The following DMD variants were observed in gnomAD, a reference collection of about 807,000 sequenced individuals.
The protein encoded by DMD is dystrophin.
A neutral mutation model predicts 330.1 loss-of-function variants in DMD; 63 were observed. The observed-to-expected ratio is 0.19, with a 90% CI of 0.16 to 0.24. DMD has a LOEUF of 0.24. DMD is among the 10% of genes least tolerant of loss of function. DMD has a pLI of 1.00. For missense variants in DMD, 3,344 were observed against 2,684.1 expected, an observed-to-expected ratio of 1.25 and a Z score of -5.43; for synonymous variants, 1,223 against 959.8, an observed-to-expected ratio of 1.27 and a Z score of -5.07.
intron 2 of DMD, among the ~76,000 whole-genome samples, chrX:32,949,974 A>C (rs116443135): frequency 3.4e-3 from 216 of 64,022 alleles, no homozygotes; most frequent in Middle Eastern, 0.022. Context: ...GCAAAAAAAA[A>C]AAAAAAAATA....
chrX:33,311,623 G>A (rs1263714829), intron 1 of DMD, among the ~76,000 whole-genome samples: 7 of 110,269 alleles, frequency 6.3e-5, no homozygotes, highest in East Asian at 2.8e-4. Flanking sequence ...TATGATACAC[G>A]ATGATCTAGT....
At chrX:31,637,610 T>G (rs1603433004) in intron 54 of DMD, among the ~76,000 whole-genome samples, 1 of 111,072 alleles carries the variant, frequency 9.0e-6, no homozygotes, top group South Asian at 3.8e-4. Flanking sequence ...GGCAATTTAA[T>G]AGATACTCAA....
At chrX:32,667,774 T>G (rs1032723177) in intron 9 of DMD, among the ~76,000 whole-genome samples, 2 of 107,900 alleles carry the variant, frequency 1.9e-5, no homozygotes, top group African/African-American at 6.8e-5. Context: ...TGTGTTTTTT[T>G]TTTTTTTTTT....
In DMD at chrX:32,803,392, T is replaced by C. The variant is rs766403085; in HGVS notation, c.649+6101A>G. ...TTTTAGTCTGGCTAGCCATCTATTT[T>C]GTTAATCTTTTCAAAAAAACAGCTC... On this transcript the variant is annotated intron_variant, in intron 7 of 78. Coordinates refer to ENST00000357033, the MANE Select transcript of DMD (RefSeq NM_004006.3). Among the ~76,000 whole-genome samples, 86 of 110,166 alleles carry C rather than the reference T, an allele frequency of 7.8e-4. 1 individual carries two copies. The highest frequency in any genetic ancestry group is 1.5e-3 in the Non-Finnish European group (78 of 53,000).
At chrX:32,332,413 A>AGTGTGTGTGTGTGTGT (rs111973319) in intron 41 of DMD, among the ~76,000 whole-genome samples, 4,020 of 95,225 alleles carry the variant, frequency 0.042, 78 homozygotes, top group Middle Eastern at 0.048. Context: ...ATGGATAAAA[A>AGTGTGTGTGTGTGTGT]GTGTGTGTGT....
At chrX:32,522,263 T>G (rs1293313486) in intron 17 of DMD, among the ~76,000 whole-genome samples, 4 of 112,090 alleles carry the variant, frequency 3.6e-5, no homozygotes, top group Non-Finnish European at 7.5e-5. Flanking sequence ...CCATTAAATG[T>G]GACCAAAAAT....
intron 2 of DMD, among the ~76,000 whole-genome samples, chrX:33,006,380 G>T (rs761725704): frequency 8.9e-6 from 1 of 111,951 alleles, no homozygotes; most frequent in Non-Finnish European, 1.9e-5. Flanking sequence ...ACAGTGTATT[G>T]GCAAAATAAT....
chrX:31,530,020 G>C (rs940838734), intron 55 of DMD, among the ~76,000 whole-genome samples: 1 of 111,683 alleles, frequency 9.0e-6, no homozygotes, highest in Non-Finnish European at 1.9e-5. Flanking sequence ...AAACGGGAAA[G>C]AATTCACTTT....
At chrX:31,155,064 C>A (rs1261034265) in intron 74 of DMD, among the ~76,000 whole-genome samples, 1 of 112,247 alleles carries the variant, frequency 8.9e-6, no homozygotes, top group African/African-American at 3.2e-5. Flanking sequence ...ACTTCCCAAC[C>A]AACTAATGGA....
At chrX:33,070,667 CTCTCTCTATATATA>C (rs1164904777) in intron 1 of DMD, among the ~76,000 whole-genome samples, 3 of 46,116 alleles carry the variant, frequency 6.5e-5, no homozygotes, top group African/African-American at 1.8e-4. Context: ...CTCTCTCTCT[CTCTCTCTATATATA>C]TATATATATA....
chrX:31,478,118 G>C lies in DMD; in HGVS notation c.8925C>G (p.Leu2975=), dbSNP rs374063420. 4 of 1,208,638 alleles carry C rather than the reference G, an allele frequency of 3.3e-6. No individual in the cohort carries two copies. Among genetic ancestry groups the C allele is most frequent in the African/African-American group, 3.5e-5 (2 of 57,099 alleles). ...AAGTAGACGGTACCTTGACTTTCTC[G>C]AGGTGATCTTGGAGAGAGTCAATGA... The part of the protein sequence containing the change: ...DLLIDSLQDH[L]EKVKALRGEI... The change falls in exon 59 of 79, where the codon CTC becomes CTG. Residue 2975 remains leucine, a synonymous_variant. Transcript: ENST00000357033.
chrX:31,298,581 G>A (rs2148061420), intron 62 of DMD, among the ~76,000 whole-genome samples: 1 of 112,041 alleles, frequency 8.9e-6, no homozygotes, highest in African/African-American at 3.2e-5. Flanking sequence ...GACTAAATGA[G>A]TTCACCAGAG....
At chrX:32,468,363 A>G in intron 23 of DMD, 135 bp downstream of exon 23, 1 of 539,898 alleles carries the variant, frequency 1.9e-6, no homozygotes, top group Non-Finnish European at 3.1e-6. Context: ...TAAAAGACTC[A>G]TGTCTTTTCA....
At chrX:31,748,006 T>C (rs1049784774) in intron 51 of DMD, among the ~76,000 whole-genome samples, 2 of 111,989 alleles carry the variant, frequency 1.8e-5, no homozygotes, top group Non-Finnish European at 3.8e-5. Context: ...TCAGAGACTT[T>C]AGTGGCATGA....
intron 43 of DMD, among the ~76,000 whole-genome samples, chrX:32,253,116 G>T (rs2097283558): frequency 9.4e-6 from 1 of 105,898 alleles, no homozygotes; most frequent in South Asian, 3.9e-4. Flanking sequence ...AGGATACAGA[G>T]ATTAAATATA....
At chrX:32,001,596 G>A (rs1401575192) in intron 44 of DMD, among the ~76,000 whole-genome samples, 1 of 110,508 alleles carries the variant, frequency 9.0e-6, no homozygotes, top group African/African-American at 3.3e-5. Flanking sequence ...GTTCCTCCTG[G>A]CACAACAAAG....
chrX:32,750,635 A>T (rs1012801232), intron 7 of DMD, among the ~76,000 whole-genome samples: 2 of 110,439 alleles, frequency 1.8e-5, no homozygotes, highest in Non-Finnish European at 3.8e-5. Flanking sequence ...TTCCAAGCTG[A>T]AGACAGTTAA....
In DMD at chrX:31,747,777, G is replaced by A. The variant is rs781120809; in HGVS notation, c.7543-18029C>T. Reference sequence around the variant, plus strand: ...TCTTAAGTGGTTTCTGTAATGTTGTGTTCCTAACCGAGCTGTTTACATTAT... The same window carrying A: ...TCTTAAGTGGTTTCTGTAATGTTGTATTCCTAACCGAGCTGTTTACATTAT... On this transcript the variant is annotated intron_variant, in intron 51 of 78. Transcript: ENST00000357033. Among the ~76,000 whole-genome samples, 13 of 112,192 alleles carry A rather than the reference G, an allele frequency of 1.2e-4. No individual in the cohort carries two copies. In the South Asian group the frequency reaches 4.4e-3, roughly 38 times the overall value.
intron 2 of DMD, among the ~76,000 whole-genome samples, chrX:33,009,333 T>C (rs1331394270): frequency 1.8e-5 from 1 of 55,452 alleles, no homozygotes; most frequent in East Asian, 8.6e-4. Flanking sequence ...TATATGTGTA[T>C]ATACACGTGT....
Sources: allele counts gnomAD v4.1 joint callset (sites outside exome capture counted in the v4.1 genomes callset), GRCh38; gene constraint gnomAD v4.1.1; transcripts MANE v1.5; gene names NCBI Gene and HGNC (gene_info 2026-07-23, HGNC 2026-07-21).